The following SEMA6A variants were observed in gnomAD, a reference collection of about 807,000 sequenced individuals.
The protein encoded by SEMA6A is semaphorin 6A, also known as semaphorin-6A.
A neutral mutation model predicts 96.8 loss-of-function variants in SEMA6A; 25 were observed. The ratio of observed to expected loss-of-function variants is 0.26; its 90% confidence interval spans 0.19 to 0.36. SEMA6A has a LOEUF of 0.36. SEMA6A is among the 10% of genes least tolerant of loss of function. SEMA6A has a pLI of 1.00. For missense variants in SEMA6A, 1,363 were observed against 1,323.1 expected, an observed-to-expected ratio of 1.03 and a Z score of -0.47; for synonymous variants, 612 against 518.0, an observed-to-expected ratio of 1.18 and a Z score of -2.46.
chr5:116,534,448 T>C (rs1424735342), intron 1 of SEMA6A, among the ~76,000 whole-genome samples: 1 of 152,220 alleles, frequency 6.6e-6, no homozygotes, highest in Non-Finnish European at 1.5e-5. Flanking sequence ...AGCCTGTCTT[T>C]TGAGTCCTCA....
chr5:116,467,545 C>T (rs779252330), intron 18 of SEMA6A, 38 bp downstream of exon 18: 3 of 1,574,170 alleles, frequency 1.9e-6, no homozygotes, highest in Non-Finnish European at 1.7e-6. Flanking sequence ...TTTTCCCTCC[C>T]TCTCCCCCGA....
chr5:116,517,705 G>T (rs1561511913), intron 1 of SEMA6A, among the ~76,000 whole-genome samples: 1 of 152,176 alleles, frequency 6.6e-6, no homozygotes, highest in Non-Finnish European at 1.5e-5. Flanking sequence ...AGGTCCCAAA[G>T]CCTCTCCTAA....
chr5:116,531,457 G>T (rs944889763), intron 1 of SEMA6A, among the ~76,000 whole-genome samples: 2 of 152,030 alleles, frequency 1.3e-5, no homozygotes, highest in Non-Finnish European at 2.9e-5. Flanking sequence ...CCTCCTGTTC[G>T]ACTGGAGACA....
chr5:116,541,723 C>T (rs1759972198), intron 1 of SEMA6A, among the ~76,000 whole-genome samples: 1 of 152,144 alleles, frequency 6.6e-6, no homozygotes, highest in African/African-American at 2.4e-5. Context: ...ATCCCAGCTA[C>T]TCAGGAGGCT....
chr5:116,573,206 T>C (rs1266107882), intron 1 of SEMA6A, among the ~76,000 whole-genome samples: 2 of 152,190 alleles, frequency 1.3e-5, no homozygotes, highest in African/African-American at 4.8e-5. Flanking sequence ...ATTGCCCCCA[T>C]GGTAGCGCCC....
Position 116,447,400 on chromosome 5 carries a change from T to G in SEMA6A, c.2306A>C (p.Lys769Thr), listed in dbSNP as rs1278955701. 2 of 1,613,934 alleles carry G rather than the reference T, an allele frequency of 1.2e-6. No individual in the cohort carries two copies. Among genetic ancestry groups the G allele is most frequent in the Non-Finnish European group, 1.7e-6 (2 of 1,179,898 alleles). ...CCACTCGCGGCTGCCGCGGCTGGGC[T>G]TCCGCTTCTGCTGCAGCGTTGGGGT... ...ESTPTLQQKR[K>T]PSRGSREWER... is the part of the protein sequence containing the mutation. Residue 769 changes from lysine (K) to threonine (T), a missense_variant, in exon 19 of 19, where the codon AAG (lysine) becomes ACG (threonine). Lys to Thr is a moderately conservative substitution (Grantham distance 78). Around this residue, in one of 2 missense-constraint regions of SEMA6A, gnomAD observed 883 missense variants for 763.6 expected, o/e 1.16. Coordinates refer to ENST00000343348, the MANE Select transcript of SEMA6A (RefSeq NM_020796.5).
At chr5:116,448,755 C>CA (rs3984966) in intron 18 of SEMA6A, among the ~76,000 whole-genome samples, 13,893 of 106,254 alleles carry the variant, frequency 0.13, 1,328 homozygotes, top group African/African-American at 0.23. Flanking sequence ...CATCACCTCT[C>CA]AAAAAAAAAA....
chr5:116,502,382 A>G, intron 2 of SEMA6A, 55 bp from the exon 3 acceptor site: 1 of 1,502,186 alleles, frequency 6.7e-7, no homozygotes, highest in Non-Finnish European at 9.3e-7. Flanking sequence ...CCAGGAATTG[A>G]CAGGGTAGGG....
intron 1 of SEMA6A, among the ~76,000 whole-genome samples, chr5:116,521,656 A>G (rs1156569305): frequency 6.6e-6 from 1 of 151,684 alleles, no homozygotes; most frequent in Non-Finnish European, 1.5e-5. Context: ...CCTTGAGCCA[A>G]TCCATCTGGG....
intron 10 of SEMA6A, among the ~76,000 whole-genome samples, chr5:116,484,399 T>C (rs1311632635): frequency 6.6e-6 from 1 of 152,174 alleles, no homozygotes; most frequent in Non-Finnish European, 1.5e-5. Flanking sequence ...CCTTCCCATC[T>C]TCCGTTCATT....
At chr5:116,554,870 A>C (rs1005499968) in intron 1 of SEMA6A, 1 of 152,198 alleles carries the variant, frequency 6.6e-6, no homozygotes, top group Non-Finnish European at 1.5e-5. Flanking sequence ...TCAACAGCAG[A>C]TACAGCCCAT....
intron 1 of SEMA6A, among the ~76,000 whole-genome samples, chr5:116,507,820 C>T (rs917567335): frequency 6.6e-6 from 1 of 152,194 alleles, no homozygotes; most frequent in Non-Finnish European, 1.5e-5. Flanking sequence ...GCCTTTCACT[C>T]TCCTTAGCCT....
chr5:116,486,405 G>A (rs1008884236), intron 10 of SEMA6A, among the ~76,000 whole-genome samples: 3 of 152,106 alleles, frequency 2.0e-5, no homozygotes, highest in Non-Finnish European at 4.4e-5. Flanking sequence ...AGTATAATAT[G>A]TCGAGCTCAC....
intron 1 of SEMA6A, among the ~76,000 whole-genome samples, chr5:116,516,026 C>T (rs1298277069): frequency 6.6e-6 from 1 of 152,170 alleles, no homozygotes. Flanking sequence ...GAAAACATTT[C>T]CTTGAACTAA....
Position 116,495,426 on chromosome 5 carries a change from C to T in SEMA6A, c.431G>A (p.Cys144Tyr). ...VCGTNAFNPS[C>Y]RNYKMDTLEP... ...AATAGCATTTACCTTATAGTTTCTG[C>T]AGGAAGGGTTGAAGGCATTAGTTCC... is the stretch of plus-strand genomic sequence containing the variant. The change falls in exon 6 of 19, where the codon TGC becomes TAC. Residue 144 changes from cysteine (C) to tyrosine (Y), a missense_variant. By Grantham distance (194) the Cys-to-Tyr change is radical. This residue lies in a region of SEMA6A where 480 missense variants were observed against 559.5 expected (regional missense o/e 0.86). Coordinates refer to ENST00000343348, the MANE Select transcript of SEMA6A (RefSeq NM_020796.5). 6.2e-7 allele frequency: 1 copy of T among 1,608,752 alleles called. No individual in the cohort carries two copies. The highest frequency in any genetic ancestry group is 8.5e-7 in the Non-Finnish European group (1 of 1,177,176).
rs150247064 is a variant in SEMA6A, at chr5:116,465,525, G to A, written c.1894+2058C>T. Among the ~76,000 whole-genome samples the A allele has an allele frequency of 5.5e-3, 836 of 152,260 alleles. 9 individuals are homozygous for A. Among genetic ancestry groups the A allele is most frequent in the Middle Eastern group, 6.8e-3 (2 of 294 alleles). ...GCAAGGCAAGGAGTTACTAGCACAAGAACAGTGATCATGTTAAACACCCAT... is the reference window on the plus strand; with the variant it reads ...GCAAGGCAAGGAGTTACTAGCACAAAAACAGTGATCATGTTAAACACCCAT... On this transcript the variant is annotated intron_variant, in intron 18 of 18. Transcript: ENST00000343348.
chr5:116,566,237 G>T (rs1163014268), intron 1 of SEMA6A, among the ~76,000 whole-genome samples: 2 of 152,170 alleles, frequency 1.3e-5, no homozygotes, highest in Admixed American at 6.5e-5. Flanking sequence ...GCTAAGAAAG[G>T]CGTAAACAGC....
intron 18 of SEMA6A, chr5:116,449,208 C>A: frequency 1.6e-6 from 1 of 636,566 alleles, no homozygotes; most frequent in Non-Finnish European, 2.8e-6. Context: ...TACCTCAATT[C>A]CTGCCTCTGG....
At chr5:116,566,047 C>T (rs970428932) in intron 1 of SEMA6A, among the ~76,000 whole-genome samples, 64 of 152,170 alleles carry the variant, frequency 4.2e-4, no homozygotes, top group African/African-American at 1.5e-3. Context: ...GTCTGTAAAA[C>T]CCTCATAGAA....
Sources: gnomAD v4.1 joint callset for allele counts (sites outside exome capture counted in the v4.1 genomes callset) on GRCh38, gnomAD v4.1.1 for gene constraint, gnomAD v4.1.1 regional missense constraint, MANE v1.5 for transcripts, NCBI Gene and HGNC (gene_info 2026-07-23, HGNC 2026-07-21) for gene names.